Variants in CSNK1G2 observed in about 807,000 individuals in gnomAD.
CSNK1G2 encodes casein kinase 1 gamma 2.
In CSNK1G2, 11 loss-of-function variants were observed where a neutral mutation model predicts 48.0. That is an observed-to-expected ratio of 0.23 (90% CI 0.14 to 0.38). The LOEUF (loss-of-function observed/expected upper bound fraction) is 0.38, where lower values mean the gene tolerates loss of function less well. Among genes scored for constraint, CSNK1G2 ranks in the 10% least tolerant of loss-of-function variants. CSNK1G2 has a pLI of 1.00. For synonymous variants in CSNK1G2, 337 were observed against 254.1 expected (o/e 1.33, Z -3.10); for missense variants, 446 against 595.5 (o/e 0.75, Z 2.61).
At chr19:1,950,379 TC>T (rs1568182312) in intron 1 of CSNK1G2, among the ~76,000 whole-genome samples, 1 of 146,816 alleles carries the variant, frequency 6.8e-6, no homozygotes, top group Non-Finnish European at 1.5e-5. Flanking sequence ...GACCTCGTGA[TC>T]CGCCCTCCTC....
At chr19:1,955,507 TGTGCCAGGGTGAGGCTCCGCGGGGTGGGC>T (rs1467321100) in intron 1 of CSNK1G2, among the ~76,000 whole-genome samples, 69 of 147,236 alleles carry the variant, frequency 4.7e-4, no homozygotes, top group African/African-American at 1.2e-3. Flanking sequence ...GGGGTGGGCG[TGTGCCAGGGTGAGGCTCCGCGGGGTGGGC>T]GTGTGCCTGG....
At chr19:1,972,313 G>C (rs1325538858) in intron 2 of CSNK1G2, among the ~76,000 whole-genome samples, 2 of 152,174 alleles carry the variant, frequency 1.3e-5, no homozygotes, top group East Asian at 3.8e-4. Flanking sequence ...TGGGCTCCTC[G>C]AGCACTCCAC....
At chr19:1,942,916 A>G (rs2014422041) in intron 1 of CSNK1G2, among the ~76,000 whole-genome samples, 2 of 152,186 alleles carry the variant, frequency 1.3e-5, no homozygotes, top group Admixed American at 1.3e-4. Flanking sequence ...CCAGGCAGGC[A>G]GCCCCCGGGA....
At chr19:1,964,314 C>T (rs557781749) in intron 1 of CSNK1G2, among the ~76,000 whole-genome samples, 1 of 150,466 alleles carries the variant, frequency 6.6e-6, no homozygotes, top group Admixed American at 6.6e-5. Flanking sequence ...AAAAAAAAAC[C>T]AGGTTCAAGG....
intron 2 of CSNK1G2, among the ~76,000 whole-genome samples, chr19:1,974,049 A>G (rs1042651961): frequency 2.0e-5 from 3 of 151,674 alleles, no homozygotes; most frequent in Non-Finnish European, 4.4e-5. Context: ...CACCACACCC[A>G]GCTAATTTTT....
rs547308917 is a variant in CSNK1G2, at chr19:1,950,916, C to T, written c.-266+9498C>T. Among the ~76,000 whole-genome samples, 32 of 145,948 alleles carry T rather than the reference C, an allele frequency of 2.2e-4. 3 individuals carry two copies. The highest frequency in any genetic ancestry group is 6.6e-4 in the African/African-American group (25 of 38,120). On this transcript the variant is annotated intron_variant, in intron 1 of 11. Transcript: ENST00000255641. Reference sequence around the variant, plus strand: ...GTTGGGAAGTTTTCGGTGAGCTGGGCGTTTATTCGCCTTGGTGCCCCCCTA... The same window carrying T: ...GTTGGGAAGTTTTCGGTGAGCTGGGTGTTTATTCGCCTTGGTGCCCCCCTA...
intron 2 of CSNK1G2, chr19:1,976,142 T>TGTTG (rs749201101): frequency 1.6e-6 from 2 of 1,274,812 alleles, no homozygotes; most frequent in South Asian, 2.5e-5. Context: ...CGGCAATGAG[T>TGTTG]GTTGGGTGTT....
In CSNK1G2 at chr19:1,979,895, C is replaced by T. The variant is rs1356495989; in HGVS notation, c.1087-16C>T. 1.2e-6 allele frequency: 2 copies of T among 1,606,882 alleles called. No homozygotes were observed. Among genetic ancestry groups the T allele is most frequent in the African/African-American group, 1.3e-5 (1 of 74,786 alleles). ...GGGCATGGGCGGCCAGCGTGACCCC[C>T]TACTGCCCCCACCAGGCGTTGAACT... is the stretch of plus-strand genomic sequence containing the variant. On this transcript the variant is annotated splice_polypyrimidine_tract_variant and intron_variant, in intron 10 of 11. Transcript: ENST00000255641.
rs112167855 is a variant in CSNK1G2, at chr19:1,952,936, G to A, written c.-266+11518G>A. 4.5e-3 allele frequency: 1,992 copies of A among 444,662 alleles called. 33 individuals carry two copies. The highest frequency in any genetic ancestry group is 0.04 in the African/African-American group (1,860 of 46,296). The allele number at this position is 444,662 out of a possible 1,614,324, so 27.5% of individuals were successfully genotyped here. A position where few individuals can be genotyped will look rare whatever the true frequency, so the allele number is the denominator to read the frequency against. On this transcript the variant is annotated intron_variant, in intron 1 of 11. Transcript: ENST00000255641. The stretch of plus-strand genomic sequence containing the variant: ...TGCCTTCGAGTGGAGGGAAACCGGG[G>A]CGGGATGTCGCCCGGCGGCTCCCAC...
At chr19:1,949,607 G>A (rs778570632) in intron 1 of CSNK1G2, among the ~76,000 whole-genome samples, 3 of 152,256 alleles carry the variant, frequency 2.0e-5, no homozygotes, top group Non-Finnish European at 4.4e-5. Flanking sequence ...GTGTGGCTGC[G>A]TGATTCTTCT....
intron 1 of CSNK1G2, among the ~76,000 whole-genome samples, chr19:1,946,402 C>A (rs1193976818): frequency 6.6e-6 from 1 of 150,510 alleles, no homozygotes; most frequent in Non-Finnish European, 1.5e-5. Flanking sequence ...CGCCATTCTC[C>A]TGCCTCAGCT....
At chr19:1,970,319 C>G (rs1167799796) in intron 2 of CSNK1G2, among the ~76,000 whole-genome samples, 1 of 152,278 alleles carries the variant, frequency 6.6e-6, no homozygotes, top group African/African-American at 2.4e-5. Context: ...CGGCAGGTGC[C>G]TGCCCGGCAC....
rs778249636 is a variant in CSNK1G2, at chr19:1,978,409, C to CGGTCCCCT, written c.229-29_229-22dup. On this transcript the variant is annotated intron_variant, in intron 3 of 11. Coordinates refer to ENST00000255641, the MANE Select transcript of CSNK1G2 (RefSeq NM_001319.7). The surrounding 1 kb of genome is among the most constrained non-coding windows in gnomAD (Gnocchi z 7.3). ...CCCCAGGGATTTCAGGGCAGCGACC[C>CGGTCCCCT]GGTCCCCTGGTGACTCGCTCTTGTG... 36 of 1,611,790 alleles carry CGGTCCCCT rather than the reference C, an allele frequency of 2.2e-5. No individual in the cohort carries two copies. Among genetic ancestry groups the CGGTCCCCT allele is most frequent in the Non-Finnish European group, 3.1e-5 (36 of 1,179,394 alleles).
intron 1 of CSNK1G2, among the ~76,000 whole-genome samples, chr19:1,965,485 C>G (rs2015338827): frequency 1.3e-5 from 2 of 152,110 alleles, no homozygotes; most frequent in African/African-American, 4.8e-5. Context: ...ATCAAGATGA[C>G]TCCTTGACAT....
At chr19:1,952,972 G>A in intron 1 of CSNK1G2, 1 of 439,530 alleles carries the variant, frequency 2.3e-6, no homozygotes. Context: ...ACGATGAGGG[G>A]AAAAGGCACT....
At chr19:1,954,874 C>T (rs776654171) in intron 1 of CSNK1G2, among the ~76,000 whole-genome samples, 2 of 152,122 alleles carry the variant, frequency 1.3e-5, no homozygotes, top group Non-Finnish European at 2.9e-5. Flanking sequence ...ATCGTGGCTG[C>T]GTGGGTTGGG....
chr19:1,962,571 A>C (rs564672518), intron 1 of CSNK1G2, among the ~76,000 whole-genome samples: 5 of 151,962 alleles, frequency 3.3e-5, no homozygotes, highest in African/African-American at 9.7e-5. Flanking sequence ...AGGCTGAGGC[A>C]AGAGGATTGC....
chr19:1,952,842 T>C (rs2396366), intron 1 of CSNK1G2: 188,491 of 361,100 alleles, frequency 0.52, 53,085 homozygotes, highest in Non-Finnish European at 0.61. Context: ...GGCCGAACCC[T>C]GCTGTGCCCT....
chr19:1,948,483 A>AT (rs1230419487), intron 1 of CSNK1G2, among the ~76,000 whole-genome samples: 2 of 127,946 alleles, frequency 1.6e-5, no homozygotes, highest in Non-Finnish European at 3.2e-5. Context: ...AGACCGCGCC[A>AT]TTGCACTCCA....
Sources: gnomAD v4.1 joint callset for allele counts (sites outside exome capture counted in the v4.1 genomes callset) on GRCh38, gnomAD v4.1.1 for gene constraint, Gnocchi (gnomAD v3.1) non-coding constraint, MANE v1.5 for transcripts, NCBI Gene and HGNC (gene_info 2026-07-23, HGNC 2026-07-21) for gene names.